EXOSC6: variants seen among roughly 807,000 people sequenced by gnomAD.
The protein encoded by EXOSC6 is exosome component 6.
In EXOSC6, 21 loss-of-function variants were observed where a neutral mutation model predicts 16.7. The observed-to-expected ratio is 1.26, with a 90% CI of 0.89 to 1.82. The LOEUF (loss-of-function observed/expected upper bound fraction) is 1.82, where lower values mean the gene tolerates loss of function less well. EXOSC6 is among the 40% of genes most tolerant of loss of function. The pLI, the probability that EXOSC6 is intolerant of heterozygous loss-of-function variation, is 0.00. For synonymous variants in EXOSC6, 297 were observed against 217.1 expected (o/e 1.37, Z -3.24); for missense variants, 538 against 415.7 (o/e 1.29, Z -2.56).
Position 70,251,725 on chromosome 16 carries a change from C to T in EXOSC6, c.176G>A (p.Gly59Asp), listed in dbSNP as rs1349832688. The change falls in exon 1 of 1, where the codon GGC becomes GAC. Residue 59 changes from glycine to aspartate, a missense_variant. Coordinates refer to ENST00000435634, the MANE Select transcript of EXOSC6 (RefSeq NM_058219.3). ...CGACACGGCACACAGCACCTTGGTG[C>T]CTCCCGCCTCCAGGTAGGCCGAGCC... ...AKGSAYLEAG[G>D]TKVLCAVSGP... 3 of 1,391,720 alleles carry T rather than the reference C, an allele frequency of 2.2e-6. No individual in the cohort carries two copies. Among genetic ancestry groups the T allele is most frequent in the Admixed American group, 3.6e-5 (1 of 27,496 alleles). The allele number at this position is 1,391,720 out of a possible 1,614,324, so 86.2% of individuals were successfully genotyped here. A position where few individuals can be genotyped will look rare whatever the true frequency, so the allele number is the denominator to read the frequency against.
At position 70,251,913 on chromosome 16, in the gene EXOSC6, C is replaced by A. The variant is rs1025173889; in HGVS notation, c.-13G>T. On this transcript the variant is annotated 5_prime_UTR_variant, in exon 1 of 1. Transcript: ENST00000435634. ...GATCCCCAGGCATGGCGGTTCTTGG[C>A]GTGCGAACCCCTTCCGCCCAACGCC... 12 of 1,499,228 alleles carry A rather than the reference C, an allele frequency of 8.0e-6. No homozygotes were observed. The African/African-American group carries it at 1.7e-4, about 22-fold the overall frequency. 92.9% of individuals were successfully genotyped at this position (1,499,228 alleles called of 1,614,324 possible).
Position 70,246,848 on chromosome 16 carries a change from A to G in EXOSC6, c.*4234T>C, listed in dbSNP as rs1039876807. The G allele has an allele frequency of 5.3e-6, 3 of 570,596 alleles. No homozygotes were observed. The highest frequency in any genetic ancestry group is 9.3e-6 in the Non-Finnish European group (3 of 320,934). The allele number at this position is 570,596 out of a possible 1,614,324, so 35.3% of individuals were successfully genotyped here. On this transcript the variant is annotated 3_prime_UTR_variant, in exon 1 of 1. Transcript: ENST00000435634. ...GTACGAACGTCAGAAATAAAAATGCAGCATTTAACCCTGGAACCTCAAATA... is the reference window on the plus strand; with the variant it reads ...GTACGAACGTCAGAAATAAAAATGCGGCATTTAACCCTGGAACCTCAAATA...
In EXOSC6 at chr16:70,251,503, G is replaced by A. The variant is rs1959818987; in HGVS notation, c.398C>T (p.Ala133Val). The A allele has an allele frequency of 3.1e-6, 4 of 1,288,442 alleles. No homozygotes were observed. Among genetic ancestry groups the A allele is most frequent in the African/African-American group, 3.1e-5 (2 of 64,290 alleles). 79.8% of individuals were successfully genotyped at this position (1,288,442 alleles called of 1,614,324 possible). A position where few individuals can be genotyped will look rare whatever the true frequency, so the allele number is the denominator to read the frequency against. ...GCGCGGGTAGCGGCCCAGGCGCACA[G>A]CCGGCTCCAGCGCCTCCTGCAGCGC... ...ALALQEALEP[A>V]VRLGRYPRAQ... The change falls in exon 1 of 1, where the codon GCT becomes GTT. Residue 133 changes from alanine to valine, a missense_variant. Physicochemically the swap from Ala to Val is moderately conservative, Grantham distance 64 (BLOSUM62 0). Transcript: ENST00000435634.
In EXOSC6 at chr16:70,251,436, GCCACCGTCCTCCAGCAGCAGCGCCGA is replaced by G; in HGVS notation, c.439_464del (p.Ser147LeufsTer158). 1 of 1,347,794 alleles carries G rather than the reference GCCACCGTCCTCCAGCAGCAGCGCCGA, an allele frequency of 7.4e-7. No homozygotes were observed. The highest frequency in any genetic ancestry group is 9.5e-7 in the Non-Finnish European group (1 of 1,052,742). 83.5% of individuals were successfully genotyped at this position (1,347,794 alleles called of 1,614,324 possible). On this transcript the variant is annotated frameshift_variant, in exon 1 of 1. Coordinates refer to ENST00000435634, the MANE Select transcript of EXOSC6 (RefSeq NM_058219.3). LOFTEE classifies it high-confidence loss of function. ...CGGTGAGCGCGGCGGCCAGGGCCGAGCCACCGTCCTCCAGCAGCAGCGCCGACACCTCGAGCTGCGCGCGCGGGTAG... is the reference window on the plus strand; with the variant it reads ...CGGTGAGCGCGGCGGCCAGGGCCGAGCACCTCGAGCTGCGCGCGCGGGTAG...
Position 70,251,390 on chromosome 16 carries a change from C to A in EXOSC6, c.511G>T (p.Asp171Tyr). The change falls in exon 1 of 1, where the codon GAC (aspartate) becomes TAC (tyrosine). Residue 171 changes from aspartate to tyrosine, a missense_variant. Physicochemically the swap from Asp to Tyr is radical, Grantham distance 160 (BLOSUM62 -3). Coordinates refer to ENST00000435634, the MANE Select transcript of EXOSC6 (RefSeq NM_058219.3). ...AGGTCGTACATCTCCACGCCCGCGT[C>A]GGCCAGGGCGAGCGCGGCGGCGGTG... ...ALTAAALALADAGVEMYDLVV... is the reference protein window; with the variant it reads ...ALTAAALALAYAGVEMYDLVV... 7.4e-7 allele frequency: 1 copy of A among 1,350,164 alleles called. No individual in the cohort carries two copies. The highest frequency in any genetic ancestry group is 1.9e-5 in the South Asian group (1 of 53,828). 83.6% of individuals were successfully genotyped at this position (1,350,164 alleles called of 1,614,324 possible).
At position 70,247,401 on chromosome 16, in the gene EXOSC6, C is replaced by T. The variant is rs1959716401; in HGVS notation, c.*3681G>A. 6.6e-6 allele frequency: 1 copy of T among 152,052 alleles called. No homozygotes were observed. The highest frequency in any genetic ancestry group is 2.4e-5 in the African/African-American group (1 of 41,416). 9.4% of individuals were successfully genotyped at this position (152,052 alleles called of 1,614,324 possible). A position where few individuals can be genotyped will look rare whatever the true frequency, so the allele number is the denominator to read the frequency against. On this transcript the variant is annotated 3_prime_UTR_variant, in exon 1 of 1. Coordinates refer to ENST00000435634, the MANE Select transcript of EXOSC6 (RefSeq NM_058219.3). Reference sequence around the variant, plus strand: ...ATCCCTAAATGCTCTCTTTAAGATTCCACCTGTGATTAAATTTCAAATACA... The same window carrying T: ...ATCCCTAAATGCTCTCTTTAAGATTTCACCTGTGATTAAATTTCAAATACA...
rs1959822153 is a variant in EXOSC6 at position 70,251,570 on chromosome 16, GGC to G, written c.329_330del (p.Arg110ProfsTer11). 9.0e-7 allele frequency: 1 copy of G among 1,110,542 alleles called. No individual in the cohort carries two copies. The allele number at this position is 1,110,542 out of a possible 1,614,324, so 68.8% of individuals were successfully genotyped here. A position where few individuals can be genotyped will look rare whatever the true frequency, so the allele number is the denominator to read the frequency against. ...TCCTCGCAGCCGCCCGGGGGAGCGC[GGC>G]GCCGGCGGCCCGCGAAGGGTGCGCG... ...FRRAPFAGRRRRAPPGGCEER... is the reference protein window; with the variant it reads ...FRRAPFAGRRXRAPPGGCEER... On this transcript the variant is annotated frameshift_variant, in exon 1 of 1. Coordinates refer to ENST00000435634, the MANE Select transcript of EXOSC6 (RefSeq NM_058219.3). LOFTEE classifies it high-confidence loss of function.
In EXOSC6 at chr16:70,249,701, A is replaced by T. The variant is rs532574714; in HGVS notation, c.*1381T>A. ...CTAAAAACCAGAGGAAAAAAATCTT[A>T]TAACTTTGGGAGGCTGAGGCAGATG... On this transcript the variant is annotated 3_prime_UTR_variant, in exon 1 of 1. Coordinates refer to ENST00000435634, the MANE Select transcript of EXOSC6 (RefSeq NM_058219.3). The T allele has an allele frequency of 6.6e-6, 1 of 152,190 alleles. No homozygotes were observed. Among genetic ancestry groups the T allele is most frequent in the South Asian group, 2.1e-4 (1 of 4,828 alleles). The allele number at this position is 152,190 out of a possible 1,614,324, so 9.4% of individuals were successfully genotyped here.
chr16:70,251,442 G>A lies in EXOSC6; in HGVS notation c.459C>T (p.Asp153=), dbSNP rs778744923. The change falls in exon 1 of 1, where the codon GAC becomes GAT. Residue 153 remains aspartate, a synonymous_variant. Coordinates refer to ENST00000435634, the MANE Select transcript of EXOSC6 (RefSeq NM_058219.3). ...GCGCGGCGGCCAGGGCCGAGCCACC[G>A]TCCTCCAGCAGCAGCGCCGACACCT... ...QLEVSALLLE[D]GGSALAAALT... The A allele has an allele frequency of 1.4e-5, 19 of 1,347,356 alleles. No homozygotes were observed. Among genetic ancestry groups the A allele is most frequent in the Non-Finnish European group, 1.7e-5 (18 of 1,051,732 alleles). The allele number at this position is 1,347,356 out of a possible 1,614,324, so 83.5% of individuals were successfully genotyped here. A position where few individuals can be genotyped will look rare whatever the true frequency, so the allele number is the denominator to read the frequency against.
rs1325346951 is a variant in EXOSC6, at chr16:70,250,674, AAAAAAAAAAAAAAAG to A, written c.*393_*407del. 1.9e-5 allele frequency: 3 copies of A among 156,334 alleles called. No individual in the cohort carries two copies. Among genetic ancestry groups the A allele is most frequent in the African/African-American group, 7.5e-5 (3 of 40,002 alleles). 9.7% of individuals were successfully genotyped at this position (156,334 alleles called of 1,614,324 possible). A position where few individuals can be genotyped will look rare whatever the true frequency, so the allele number is the denominator to read the frequency against. On this transcript the variant is annotated 3_prime_UTR_variant, in exon 1 of 1. Coordinates refer to ENST00000435634, the MANE Select transcript of EXOSC6 (RefSeq NM_058219.3). ...ACAGAACAAGACTCCATCAAAAAAA[AAAAAAAAAAAAAAAG>A]AAAGAAAGAAGAAAAGAAAATTAGC... is the stretch of plus-strand genomic sequence containing the variant.
rs1231660050 is a variant in EXOSC6, at chr16:70,248,174, T to C, written c.*2908A>G. On this transcript the variant is annotated 3_prime_UTR_variant, in exon 1 of 1. Coordinates refer to ENST00000435634, the MANE Select transcript of EXOSC6 (RefSeq NM_058219.3). Reference sequence around the variant, plus strand: ...ACATCTTAGGGGTAATTACAGAAATTTGAATATAGAACACATATGTAATAA... The same window carrying C: ...ACATCTTAGGGGTAATTACAGAAATCTGAATATAGAACACATATGTAATAA... The C allele has an allele frequency of 6.6e-6, 1 of 152,210 alleles. No individual in the cohort carries two copies. Among genetic ancestry groups the C allele is most frequent in the African/African-American group, 2.4e-5 (1 of 41,444 alleles). 9.4% of individuals were successfully genotyped at this position (152,210 alleles called of 1,614,324 possible).
At position 70,250,399 on chromosome 16, in the gene EXOSC6, T is replaced by G. The variant is rs1959780019; in HGVS notation, c.*683A>C. 6.6e-6 allele frequency: 1 copy of G among 152,242 alleles called. No homozygotes were observed. Among genetic ancestry groups the G allele is most frequent in the South Asian group, 2.1e-4 (1 of 4,832 alleles). 9.4% of individuals were successfully genotyped at this position (152,242 alleles called of 1,614,324 possible). A position where few individuals can be genotyped will look rare whatever the true frequency, so the allele number is the denominator to read the frequency against. ...AAGAAATTTACTCAGCTGGGCACAG[T>G]GGCTCACACCTGTAATTCCAGCACT... On this transcript the variant is annotated 3_prime_UTR_variant, in exon 1 of 1. Transcript: ENST00000435634.
rs145497566 is a variant in EXOSC6 at position 70,249,039 on chromosome 16, TATC to T, written c.*2040_*2042del. 5.5e-3 allele frequency: 681 copies of T among 124,238 alleles called. 9 individuals carry two copies. Among genetic ancestry groups the T allele is most frequent in the African/African-American group, 0.024 (634 of 26,444 alleles). 7.7% of individuals were successfully genotyped at this position (124,238 alleles called of 1,614,324 possible). ...TAAAAAAAAAAAAAAAAAACCCTAA[TATC>T]AGATATTCCAGACACAACAATACCA... On this transcript the variant is annotated 3_prime_UTR_variant, in exon 1 of 1. Transcript: ENST00000435634.
Position 70,251,231 on chromosome 16 carries a change from C to G in EXOSC6, c.670G>C (p.Gly224Arg). The change falls in exon 1 of 1, where the codon GGG becomes CGG. Residue 224 changes from glycine (G) to arginine (R), a missense_variant. By Grantham distance (125) the Gly-to-Arg change is moderately radical. Transcript: ENST00000435634. ...CCGCCCTCGCCGCTGCCCAGCAGCC[C>G]GGCCACCTGATTCAGCACAGGCATG... ...ALMPVLNQVA[G>R]LLGSGEGGLT... 2 of 1,506,066 alleles carry G rather than the reference C, an allele frequency of 1.3e-6. No individual in the cohort carries two copies. Among genetic ancestry groups the G allele is most frequent in the African/African-American group, 1.4e-5 (1 of 69,046 alleles). 93.3% of individuals were successfully genotyped at this position (1,506,066 alleles called of 1,614,324 possible).
At position 70,247,599 on chromosome 16, in the gene EXOSC6, C is replaced by T. The variant is rs1188474782; in HGVS notation, c.*3483G>A. The stretch of plus-strand genomic sequence containing the variant: ...ATGAATAACATGCAGGCTCAGGTTA[C>T]CATTATACATAAATTTTTAAAATAA... On this transcript the variant is annotated 3_prime_UTR_variant, in exon 1 of 1. Transcript: ENST00000435634. 6.6e-6 allele frequency: 1 copy of T among 151,958 alleles called. No individual in the cohort carries two copies. The highest frequency in any genetic ancestry group is 1.5e-5 in the Non-Finnish European group (1 of 68,014). 9.4% of individuals were successfully genotyped at this position (151,958 alleles called of 1,614,324 possible). A position where few individuals can be genotyped will look rare whatever the true frequency, so the allele number is the denominator to read the frequency against.
rs1454926022 is a variant in EXOSC6 at position 70,247,137 on chromosome 16, G to C, written c.*3945C>G. 3 of 311,924 alleles carry C rather than the reference G, an allele frequency of 9.6e-6. No homozygotes were observed. Among genetic ancestry groups the C allele is most frequent in the Non-Finnish European group, 1.8e-5 (3 of 164,138 alleles). The allele number at this position is 311,924 out of a possible 1,614,324, so 19.3% of individuals were successfully genotyped here. A position where few individuals can be genotyped will look rare whatever the true frequency, so the allele number is the denominator to read the frequency against. ...AAATCCCAACTACTCGGGAGGCTGA[G>C]ACACAAGAATCGCTTGAACCCAGGA... On this transcript the variant is annotated 3_prime_UTR_variant, in exon 1 of 1. Transcript: ENST00000435634.
rs948007586 is a variant in EXOSC6 at position 70,250,872 on chromosome 16, A to G, written c.*210T>C. On this transcript the variant is annotated 3_prime_UTR_variant, in exon 1 of 1. Coordinates refer to ENST00000435634, the MANE Select transcript of EXOSC6 (RefSeq NM_058219.3). ...CCAGCTCCACCACAAGCGCAGCTCCAGGGGCTGTTGAGTTTTGCCTTTATC... is the reference window on the plus strand; with the variant it reads ...CCAGCTCCACCACAAGCGCAGCTCCGGGGGCTGTTGAGTTTTGCCTTTATC... 17 of 510,818 alleles carry G rather than the reference A, an allele frequency of 3.3e-5. No homozygotes were observed. The highest frequency in any genetic ancestry group is 2.0e-4 in the South Asian group (4 of 20,204). 31.6% of individuals were successfully genotyped at this position (510,818 alleles called of 1,614,324 possible). A position where few individuals can be genotyped will look rare whatever the true frequency, so the allele number is the denominator to read the frequency against.
In EXOSC6 at chr16:70,251,031, C is replaced by G. The variant is rs756560156; in HGVS notation, c.*51G>C. On this transcript the variant is annotated 3_prime_UTR_variant, in exon 1 of 1. Coordinates refer to ENST00000435634, the MANE Select transcript of EXOSC6 (RefSeq NM_058219.3). Reference sequence around the variant, plus strand: ...CCGATGGCGCGGGTCTTTTCGTGGACGGCGGCAGCACGGTCCTCGGCTTGC... The same window carrying G: ...CCGATGGCGCGGGTCTTTTCGTGGAGGGCGGCAGCACGGTCCTCGGCTTGC... 7.0e-7 allele frequency: 1 copy of G among 1,423,508 alleles called. No homozygotes were observed. Among genetic ancestry groups the G allele is most frequent in the East Asian group, 2.8e-5 (1 of 36,284 alleles). 88.2% of individuals were successfully genotyped at this position (1,423,508 alleles called of 1,614,324 possible). A position where few individuals can be genotyped will look rare whatever the true frequency, so the allele number is the denominator to read the frequency against.
In EXOSC6 at chr16:70,251,504, C is replaced by CCGGCTCCAGCGCCTCCTG; in HGVS notation, c.379_396dup (p.Gln127_Pro132dup). 4.7e-6 allele frequency: 6 copies of CCGGCTCCAGCGCCTCCTG among 1,288,242 alleles called. No individual in the cohort carries two copies. The highest frequency in any genetic ancestry group is 3.0e-6 in the Non-Finnish European group (3 of 1,014,998). The allele number at this position is 1,288,242 out of a possible 1,614,324, so 79.8% of individuals were successfully genotyped here. A position where few individuals can be genotyped will look rare whatever the true frequency, so the allele number is the denominator to read the frequency against. On this transcript the variant is annotated inframe_insertion, in exon 1 of 1. Transcript: ENST00000435634. ...CGCGGGTAGCGGCCCAGGCGCACAG[C>CCGGCTCCAGCGCCTCCTG]CGGCTCCAGCGCCTCCTGCAGCGCC...
Sources: allele counts gnomAD v4.1 joint callset, GRCh38; gene constraint gnomAD v4.1.1; transcripts MANE v1.5; gene names NCBI Gene and HGNC (gene_info 2026-07-23, HGNC 2026-07-21).